MCM6: variants seen among roughly 807,000 people sequenced by gnomAD.
MCM6 encodes DNA replication licensing factor MCM6.
In MCM6, 46 loss-of-function variants were observed where a neutral mutation model predicts 94.3. The observed-to-expected ratio is 0.49, with a 90% CI of 0.39 to 0.62. The LOEUF (loss-of-function observed/expected upper bound fraction) is 0.62, where lower values mean the gene tolerates loss of function less well. Among genes scored for constraint, MCM6 ranks in the 20% least tolerant of loss-of-function variants. MCM6 has a pLI of 0.00. For synonymous variants in MCM6, 335 were observed against 351.9 expected (o/e 0.95, Z 0.54); for missense variants, 865 against 1,017.9 (o/e 0.85, Z 2.04).
At chr2:135,841,637 G>C (rs1679574368) in intron 16 of MCM6, among the ~76,000 whole-genome samples, 1 of 152,200 alleles carries the variant, frequency 6.6e-6, no homozygotes, top group Admixed American at 6.5e-5. Flanking sequence ...AGGGGGACTG[G>C]ACACTTTTTA....
intron 5 of MCM6, 33 bp from the exon 6 acceptor site, chr2:135,866,310 A>T (rs373775277): frequency 1.2e-6 from 2 of 1,611,720 alleles, no homozygotes; most frequent in African/African-American, 2.7e-5. Flanking sequence ...TTCACAACTT[A>T]AATATTAAAG....
chr2:135,866,604 G>A lies in MCM6; in HGVS notation c.740C>T (p.Thr247Ile), dbSNP rs139876145. 1.5e-5 allele frequency: 25 copies of A among 1,613,884 alleles called. No individual in the cohort carries two copies. The African/African-American group carries it at 2.9e-4, about 19-fold the overall frequency. The change falls in exon 5 of 17, where the codon ACA (threonine) becomes ATA (isoleucine). Residue 247 changes from threonine (T) to isoleucine (I), a missense_variant. By Grantham distance (89) the Thr-to-Ile change is moderately conservative. Coordinates refer to ENST00000264156, the MANE Select transcript of MCM6 (RefSeq NM_005915.6). Reference sequence around the variant, plus strand: ...GGAGACGTCAGGCACAACAATCAGTGTCCCTGTAAAGTCACACTTGTCACC... The same window carrying A: ...GGAGACGTCAGGCACAACAATCAGTATCCCTGTAAAGTCACACTTGTCACC... ...QAGDKCDFTGTLIVVPDVSKL... is the reference protein window; with the variant it reads ...QAGDKCDFTGILIVVPDVSKL...
In MCM6 at chr2:135,868,797, C is replaced by T; in HGVS notation, c.429G>A (p.Arg143=). 1.9e-6 allele frequency: 3 copies of T among 1,614,136 alleles called. No individual in the cohort carries two copies. The highest frequency in any genetic ancestry group is 2.5e-6 in the Non-Finnish European group (3 of 1,180,008). ...CAAGCTCTGGGTGAACTGGGTGAGT[C>T]CGCACCACCTGCCCACTGATGCGAG... ...LLTRISGQVV[R]THPVHPELVS... is the part of the protein sequence containing the mutation. Residue 143 remains arginine (R), a synonymous_variant, in exon 4 of 17, where the codon CGG becomes CGA. Coordinates refer to ENST00000264156, the MANE Select transcript of MCM6 (RefSeq NM_005915.6).
At chr2:135,851,677 A>C (rs1275927115) in intron 12 of MCM6, 114 bp from the exon 13 acceptor site, 11 of 761,516 alleles carry the variant, frequency 1.4e-5, no homozygotes, top group Non-Finnish European at 1.9e-5. Flanking sequence ...GAGAGGGTTG[A>C]AACTTTGAGA....
chr2:135,843,508 G>A (rs933137840), intron 16 of MCM6, among the ~76,000 whole-genome samples: 11 of 152,084 alleles, frequency 7.2e-5, no homozygotes, highest in South Asian at 4.1e-4. Flanking sequence ...CAAAGTGAGC[G>A]TATCGCCTGA....
At chr2:135,846,571 G>A (rs1426790416) in intron 14 of MCM6, among the ~76,000 whole-genome samples, 179 bp from the exon 15 acceptor site, 2 of 151,936 alleles carry the variant, frequency 1.3e-5, no homozygotes, top group Admixed American at 6.6e-5. Context: ...TCGAACTACC[G>A]GACTCAACTG....
chr2:135,842,081 G>T (rs1001076766), intron 16 of MCM6, among the ~76,000 whole-genome samples: 1 of 151,894 alleles, frequency 6.6e-6, no homozygotes, highest in East Asian at 1.9e-4. Context: ...CTCCAGTCTG[G>T]GCAACAGAGC....
In MCM6 at chr2:135,862,672, A is replaced by G. The variant is rs1175644625; in HGVS notation, c.1155T>C (p.Ser385=). The change falls in exon 8 of 17, where the codon TCT becomes TCC. Residue 385 remains serine, a synonymous_variant. Coordinates refer to ENST00000264156, the MANE Select transcript of MCM6 (RefSeq NM_005915.6). Reference sequence around the variant, plus strand: ...TGCAAACATTTATGTCCCCTCGAAGAGAGGTCCCTTCTCCTGTTGTCTTTG... The same window carrying G: ...TGCAAACATTTATGTCCCCTCGAAGGGAGGTCCCTTCTCCTGTTGTCTTTG... The part of the protein sequence containing the change: ...GVPKTTGEGT[S]LRGDINVCIV... 1 of 1,614,202 alleles carries G rather than the reference A, an allele frequency of 6.2e-7. No individual in the cohort carries two copies. Among genetic ancestry groups the G allele is most frequent in the Non-Finnish European group, 8.5e-7 (1 of 1,180,036 alleles).
Position 135,847,842 on chromosome 2 carries a change from G to A in MCM6, c.2053+211C>T, listed in dbSNP as rs189351858. The stretch of plus-strand genomic sequence containing the variant: ...CTCCCAAAGTGCTGGAATTATAGGC[G>A]AGAGCCACCGTGCCCAGCCAAGTAT... On this transcript the variant is annotated intron_variant, in intron 14 of 16. Coordinates refer to ENST00000264156, the MANE Select transcript of MCM6 (RefSeq NM_005915.6). Among the ~76,000 whole-genome samples the A allele has an allele frequency of 8.5e-4, 129 of 152,298 alleles. 1 individual carries two copies. Among genetic ancestry groups the A allele is most frequent in the South Asian group, 1.5e-3 (7 of 4,826 alleles).
At position 135,840,683 on chromosome 2, in the gene MCM6, T is replaced by C. The variant is rs1270098549; in HGVS notation, c.*152A>G. 2 of 602,732 alleles carry C rather than the reference T, an allele frequency of 3.3e-6. No homozygotes were observed. The highest frequency in any genetic ancestry group is 3.0e-6 in the Non-Finnish European group (1 of 336,404). The allele number at this position is 602,732 out of a possible 1,614,324, so 37.3% of individuals were successfully genotyped here. The stretch of plus-strand genomic sequence containing the variant: ...TGAAACCTGTGATGAATGTGACACA[T>C]AGGACCATCAACTCAATTCTTGTTT... On this transcript the variant is annotated 3_prime_UTR_variant, in exon 17 of 17. Coordinates refer to ENST00000264156, the MANE Select transcript of MCM6 (RefSeq NM_005915.6).
chr2:135,848,482 G>T (rs1044839349), intron 13 of MCM6, among the ~76,000 whole-genome samples: 2 of 152,144 alleles, frequency 1.3e-5, no homozygotes, highest in Non-Finnish European at 2.9e-5. Context: ...CAACTGTTTG[G>T]CAGAAAAACA....
At chr2:135,858,726 T>A (rs1679935600) in intron 9 of MCM6, among the ~76,000 whole-genome samples, 1 of 152,184 alleles carries the variant, frequency 6.6e-6, no homozygotes, top group Non-Finnish European at 1.5e-5. Flanking sequence ...CATCAAAACC[T>A]TGTGTCAACT....
chr2:135,842,584 G>C (rs1269706534), intron 16 of MCM6, among the ~76,000 whole-genome samples: 1 of 152,192 alleles, frequency 6.6e-6, no homozygotes. Flanking sequence ...AGAATATACT[G>C]CTGGGCCATG....
intron 13 of MCM6, among the ~76,000 whole-genome samples, chr2:135,848,534 A>G (rs1306479099): frequency 6.6e-6 from 1 of 152,192 alleles, no homozygotes; most frequent in Non-Finnish European, 1.5e-5. Flanking sequence ...CTAGGTATGT[A>G]CTTGTAGAAA....
chr2:135,856,981 A>G (rs1679903029), intron 10 of MCM6, 98 bp from the exon 11 acceptor site: 2 of 1,079,660 alleles, frequency 1.9e-6, no homozygotes, highest in South Asian at 3.4e-5. Context: ...ACTAAACACA[A>G]ACCAAAATAA....
At chr2:135,866,497 G>T in intron 5 of MCM6, 66 bp downstream of exon 5, 1 of 1,505,626 alleles carries the variant, frequency 6.6e-7, no homozygotes, top group Non-Finnish European at 9.0e-7. Flanking sequence ...TGAAGATGTG[G>T]GAAGCTAGAT....
chr2:135,854,437 G>A (rs557816634), intron 11 of MCM6, among the ~76,000 whole-genome samples: 24 of 148,046 alleles, frequency 1.6e-4, no homozygotes, highest in African/African-American at 5.0e-4. Context: ...GGCTGAGGCA[G>A]GAGAATTACT....
At chr2:135,859,243 A>G (rs1166692478) in intron 9 of MCM6, 58 bp downstream of exon 9, 1 of 1,395,436 alleles carries the variant, frequency 7.2e-7, no homozygotes, top group African/African-American at 1.4e-5. Flanking sequence ...ATAGGCCTTT[A>G]CTGATAGGGT....
Position 135,865,158 on chromosome 2 carries a change from C to A in MCM6, c.933G>T (p.Gly311=), listed in dbSNP as rs1680067554. 10 of 1,518,498 alleles carry A rather than the reference C, an allele frequency of 6.6e-6. No homozygotes were observed. The highest frequency in any genetic ancestry group is 3.5e-4 in the Middle Eastern group (2 of 5,674). 94.1% of individuals were successfully genotyped at this position (1,518,498 alleles called of 1,614,324 possible). Residue 311 remains glycine, a synonymous_variant, in exon 7 of 17, where the codon GGG becomes GGT. Coordinates refer to ENST00000264156, the MANE Select transcript of MCM6 (RefSeq NM_005915.6). ...GTTCCTCATCTCTGAGCTCTTTCCC[C>A]CCAAACTAATGGTAGAGAACAAAGG... ...CCVAPTNPRF[G]GKELRDEEQT... is the part of the protein sequence containing the mutation.
Sources: allele counts gnomAD v4.1 joint callset (sites outside exome capture counted in the v4.1 genomes callset), GRCh38; gene constraint gnomAD v4.1.1; transcripts MANE v1.5; gene names NCBI Gene and HGNC (gene_info 2026-07-23, HGNC 2026-07-21).